CGRRF1: variants seen among roughly 807,000 people sequenced by gnomAD.
CGRRF1 encodes cell growth regulator with ring finger domain 1, also known as cell growth regulator with RING finger domain protein 1.
Under a neutral mutation model 37.2 loss-of-function variants are expected in CGRRF1, and 32 were observed. The observed-to-expected ratio is 0.86, with a 90% confidence interval of 0.65 to 1.16. The LOEUF (loss-of-function observed/expected upper bound fraction) is 1.16. Among genes scored for constraint, CGRRF1 ranks in the 50% most tolerant of loss-of-function variants. The pLI, the probability that CGRRF1 is intolerant of heterozygous loss-of-function variation, is 0.00. For synonymous variants in CGRRF1, 141 were observed against 140.3 expected (o/e 1.00, Z -0.04); for missense variants, 391 against 382.6 (o/e 1.02, Z -0.18).
intron 2 of CGRRF1, among the ~76,000 whole-genome samples, chr14:54,526,516 G>A (rs891135634): frequency 6.6e-6 from 1 of 151,812 alleles, no homozygotes; most frequent in African/African-American, 2.4e-5. Flanking sequence ...GAGTCATTTA[G>A]TTCTGTTTAC....
chr14:54,530,035 T>A lies in CGRRF1; in HGVS notation c.245-14T>A, dbSNP rs1265398501. ...ATTAAATCACTTTCATTCTTTCTCCTTTGTTTTTTACAGCTGGCATAACCT... is the reference window on the plus strand; with the variant it reads ...ATTAAATCACTTTCATTCTTTCTCCATTGTTTTTTACAGCTGGCATAACCT... On this transcript the variant is annotated splice_polypyrimidine_tract_variant and intron_variant, in intron 2 of 5. Coordinates refer to ENST00000216420, the MANE Select transcript of CGRRF1 (RefSeq NM_006568.3). 1 of 1,593,214 alleles carries A rather than the reference T, an allele frequency of 6.3e-7. No homozygotes were observed. The highest frequency in any genetic ancestry group is 8.6e-7 in the Non-Finnish European group (1 of 1,164,656).
intron 4 of CGRRF1, among the ~76,000 whole-genome samples, chr14:54,534,024 C>G (rs1415594076): frequency 1.3e-5 from 2 of 152,076 alleles, no homozygotes; most frequent in Admixed American, 1.3e-4. Flanking sequence ...GTAGTATATT[C>G]AAACATTTTT....
chr14:54,525,415 A>G (rs1210636152), intron 2 of CGRRF1, among the ~76,000 whole-genome samples: 1 of 152,260 alleles, frequency 6.6e-6, no homozygotes, highest in Non-Finnish European at 1.5e-5. Flanking sequence ...ATGCCTGCAC[A>G]CTAGTTGCTA....
At chr14:54,537,587 T>G in intron 4 of CGRRF1, 135 bp from the exon 5 acceptor site, 1 of 951,776 alleles carries the variant, frequency 1.1e-6, no homozygotes, top group Non-Finnish European at 1.4e-6. Flanking sequence ...TTTATCAGCC[T>G]TTTATTTTTG....
At position 54,530,950 on chromosome 14, in the gene CGRRF1, A is replaced by G; in HGVS notation, c.470A>G (p.Asp157Gly). The part of the protein sequence containing the change: ...KEEIYCQLPR[D>G]TKIEDFGTVP... ...GAAATATATTGCCAGTTACCAAGAG[A>G]TACTAAAATTGAAGACTTTGGTACA... Residue 157 changes from aspartate to glycine, a missense_variant, in exon 4 of 6, where the codon GAT (aspartate) becomes GGT (glycine). Physicochemically the swap from Asp to Gly is moderately conservative, Grantham distance 94. Coordinates refer to ENST00000216420, the MANE Select transcript of CGRRF1 (RefSeq NM_006568.3). The G allele has an allele frequency of 6.3e-7, 1 of 1,598,038 alleles. No homozygotes were observed. Among genetic ancestry groups the G allele is most frequent in the Non-Finnish European group, 8.6e-7 (1 of 1,165,416 alleles).
At chr14:54,535,205 C>T (rs1345914103) in intron 4 of CGRRF1, among the ~76,000 whole-genome samples, 1 of 152,050 alleles carries the variant, frequency 6.6e-6, no homozygotes, top group Non-Finnish European at 1.5e-5. Flanking sequence ...AACATTGATA[C>T]AGTATTTTAT....
intron 2 of CGRRF1, among the ~76,000 whole-genome samples, chr14:54,527,561 T>G (rs2032433490): frequency 6.6e-6 from 1 of 152,140 alleles, no homozygotes; most frequent in Admixed American, 6.5e-5. Flanking sequence ...CTGATTAATC[T>G]CCAGTTGTCA....
chr14:54,521,276 T>C, intron 1 of CGRRF1, among the ~76,000 whole-genome samples: 2 of 151,598 alleles, frequency 1.3e-5, no homozygotes, highest in Non-Finnish European at 2.9e-5. Context: ...GCCTGGTCAA[T>C]ATGGTGAAAC....
intron 1 of CGRRF1, among the ~76,000 whole-genome samples, chr14:54,511,745 T>G (rs2032133031): frequency 6.6e-6 from 1 of 152,160 alleles, no homozygotes; most frequent in South Asian, 2.1e-4. Flanking sequence ...GTTTGAAAAT[T>G]TAATAATTGC....
Position 54,522,939 on chromosome 14 carries a change from G to A in CGRRF1, c.244+346G>A, listed in dbSNP as rs116163596. Reference sequence around the variant, plus strand: ...TGTGTTATGTCTAAATACAGTTAACGTAAGGTTGCTAACCTTTTGAGGAAC... The same window carrying A: ...TGTGTTATGTCTAAATACAGTTAACATAAGGTTGCTAACCTTTTGAGGAAC... On this transcript the variant is annotated intron_variant, in intron 2 of 5. Transcript: ENST00000216420. Among the ~76,000 whole-genome samples, 563 of 152,232 alleles carry A rather than the reference G, an allele frequency of 3.7e-3. 3 individuals carry two copies. Among genetic ancestry groups the A allele is most frequent in the African/African-American group, 0.013 (524 of 41,540 alleles).
chr14:54,530,998 T>TGGTAGCG lies in CGRRF1; in HGVS notation c.519_525dup (p.Leu176GlyfsTer8). ...ACAGTACCCAGATCTCGCTATCCATTGGTAGCGCTATTGACCTTAGCTGAT... is the reference window on the plus strand; with the variant it reads ...ACAGTACCCAGATCTCGCTATCCATTGGTAGCGGGTAGCGCTATTGACCTTAGCTGAT... On this transcript the variant is annotated frameshift_variant, in exon 4 of 6. Coordinates refer to ENST00000216420, the MANE Select transcript of CGRRF1 (RefSeq NM_006568.3). LOFTEE classifies it high-confidence loss of function. 6.2e-7 allele frequency: 1 copy of TGGTAGCG among 1,610,746 alleles called. No individual in the cohort carries two copies. The highest frequency in any genetic ancestry group is 8.5e-7 in the Non-Finnish European group (1 of 1,177,112).
At chr14:54,520,254 G>C (rs980210164) in intron 1 of CGRRF1, among the ~76,000 whole-genome samples, 1 of 151,896 alleles carries the variant, frequency 6.6e-6, no homozygotes, top group Non-Finnish European at 1.5e-5. Flanking sequence ...GACTGCAGGC[G>C]CCCACCACCA....
chr14:54,510,252 C>T (rs2032108152), intron 1 of CGRRF1, 189 bp downstream of exon 1: 2 of 592,004 alleles, frequency 3.4e-6, no homozygotes, highest in Admixed American at 3.0e-5. Context: ...GCGTCACTGC[C>T]CTGCATCACC....
rs751053803 is a variant in CGRRF1, at chr14:54,530,883, A to G, written c.423-20A>G. 2 of 1,544,532 alleles carry G rather than the reference A, an allele frequency of 1.3e-6. No homozygotes were observed. Among genetic ancestry groups the G allele is most frequent in the South Asian group, 2.3e-5 (2 of 88,166 alleles). On this transcript the variant is annotated intron_variant, in intron 3 of 5. Coordinates refer to ENST00000216420, the MANE Select transcript of CGRRF1 (RefSeq NM_006568.3). The stretch of plus-strand genomic sequence containing the variant: ...GTTCTTATGGTTATAGTGGCAATTT[A>G]CCTTTACATTTTCAAAAAGTATTAA...
intron 1 of CGRRF1, among the ~76,000 whole-genome samples, chr14:54,517,097 A>T (rs2140055599): frequency 6.6e-6 from 1 of 152,234 alleles, no homozygotes; most frequent in Admixed American, 6.5e-5. Flanking sequence ...AGCTATTTTT[A>T]TATCCTTGTC....
rs183914030 is a variant in CGRRF1 at position 54,524,226 on chromosome 14, A to T, written c.244+1633A>T. ...CTAGTATTTTACAGAGTTGACCTTC[A>T]TTTGCAACGTCCTGCTCCCTTGCGT... On this transcript the variant is annotated intron_variant, in intron 2 of 5. Transcript: ENST00000216420. Among the ~76,000 whole-genome samples the T allele has an allele frequency of 2.6e-5, 4 of 152,114 alleles. No homozygotes were observed. In the East Asian group the frequency reaches 7.7e-4, roughly 29 times the overall value.
chr14:54,514,242 A>C (rs1169590071), intron 1 of CGRRF1, among the ~76,000 whole-genome samples: 1 of 152,220 alleles, frequency 6.6e-6, no homozygotes, highest in Non-Finnish European at 1.5e-5. Context: ...TTGCTAATTT[A>C]TATCTGTGGA....
intron 3 of CGRRF1, 151 bp from the exon 4 acceptor site, chr14:54,530,752 G>A: frequency 1.1e-6 from 1 of 879,946 alleles, no homozygotes; most frequent in Non-Finnish European, 1.8e-6. Flanking sequence ...GTCTCTATCA[G>A]GAACAGTATT....
chr14:54,518,594 C>T lies in CGRRF1; in HGVS notation c.105-3860C>T, dbSNP rs533078463. ...AAAAAGTGTTTCTTTTTCTCCACAA[C>T]TTTGCCAAGATCTGTTGTTTCTGGA... On this transcript the variant is annotated intron_variant, in intron 1 of 5. Coordinates refer to ENST00000216420, the MANE Select transcript of CGRRF1 (RefSeq NM_006568.3). 1.6e-4 allele frequency among the ~76,000 whole-genome samples: 24 copies of T among 151,544 alleles called. No individual in the cohort carries two copies. In the East Asian group the frequency reaches 4.5e-3, roughly 28 times the overall value.
Sources: gnomAD v4.1 joint callset for allele counts (sites outside exome capture counted in the v4.1 genomes callset) on GRCh38, gnomAD v4.1.1 for gene constraint, MANE v1.5 for transcripts, NCBI Gene and HGNC (gene_info 2026-07-23, HGNC 2026-07-21) for gene names.